Variants in MYT1 observed in about 807,000 individuals in gnomAD.
MYT1 encodes the protein myelin transcription factor I.
A neutral mutation model predicts 123.0 loss-of-function variants in MYT1; 23 were observed. The observed-to-expected ratio is 0.19, with a 90% CI of 0.13 to 0.26. The LOEUF (loss-of-function observed/expected upper bound fraction) is 0.26, where lower values mean the gene tolerates loss of function less well. MYT1 is among the 10% of genes least tolerant of loss of function. The probability of loss-of-function intolerance (pLI) is 1.00; values close to 1 mark genes in which losing one functional copy is unlikely to be tolerated. For missense variants in MYT1, 1,125 were observed against 1,472.5 expected (o/e 0.76, Z 3.86); for synonymous variants, 518 against 575.3 (o/e 0.90, Z 1.43).
intron 7 of MYT1, 132 bp from the exon 8 acceptor site, chr20:64,211,074 G>C: frequency 9.8e-7 from 1 of 1,017,354 alleles, no homozygotes; most frequent in South Asian, 1.8e-5. Context: ...CCCAGTCCCT[G>C]TTCAAGCTCA....
At chr20:64,182,992 C>T (rs991752265) in intron 1 of MYT1, among the ~76,000 whole-genome samples, 5 of 151,942 alleles carry the variant, frequency 3.3e-5, no homozygotes, top group Admixed American at 2.0e-4. Context: ...AAGTTTAGAC[C>T]GTTTTGATCA....
rs1185500991 is a variant in MYT1, at chr20:64,212,096, C to T, written c.1475C>T (p.Thr492Ile). ...CTGAAGTGCCCCACTCCTGGCTGCA[C>T]AGGCCAGGGTCACGTGAACAGCAAC... The part of the protein sequence containing the change: ...NVLKCPTPGC[T>I]GQGHVNSNRN... Residue 492 changes from threonine (T) to isoleucine (I), a missense_variant, in exon 9 of 23, where the codon ACA (threonine) becomes ATA (isoleucine). Thr to Ile is a moderately conservative substitution (Grantham distance 89). This residue lies in a region of MYT1 where 429 missense variants were observed against 604.1 expected (regional missense o/e 0.71). Coordinates refer to ENST00000328439, the MANE Select transcript of MYT1 (RefSeq NM_004535.3). The surrounding 1 kb of genome is among the most constrained non-coding windows in gnomAD (Gnocchi z 6.8). 2 of 1,613,762 alleles carry T rather than the reference C, an allele frequency of 1.2e-6. No homozygotes were observed. The highest frequency in any genetic ancestry group is 2.2e-5 in the East Asian group (1 of 44,864).
At chr20:64,214,755 G>A (rs1050276326) in intron 10 of MYT1, among the ~76,000 whole-genome samples, 3 of 152,234 alleles carry the variant, frequency 2.0e-5, no homozygotes, top group East Asian at 1.9e-4. Flanking sequence ...AGGAGACCCC[G>A]GCTGGGGTGA....
intron 14 of MYT1, 53 bp from the exon 15 acceptor site, chr20:64,223,058 G>A: frequency 6.2e-7 from 1 of 1,601,866 alleles, no homozygotes; most frequent in Non-Finnish European, 8.6e-7. Flanking sequence ...GGCTCAGCCT[G>A]GGGGGCAGGT....
At chr20:64,237,881 A>G (rs1984599099) in intron 21 of MYT1, among the ~76,000 whole-genome samples, 1 of 152,108 alleles carries the variant, frequency 6.6e-6, no homozygotes, top group African/African-American at 2.4e-5. Flanking sequence ...CAAACCTTTC[A>G]GCCTCTTCCT....
rs975511890 is a variant in MYT1 at position 64,167,878 on chromosome 20, A to T, written c.-99+3139A>T. Among the ~76,000 whole-genome samples the T allele has an allele frequency of 6.6e-6, 1 of 152,238 alleles. No homozygotes were observed. The highest frequency in any genetic ancestry group is 1.5e-5 in the Non-Finnish European group (1 of 68,042). ...AGTTTACAGGAAAATGGTCTTTGGG[A>T]ACCAGCATCATTAGATTAGTCAGAC... is the stretch of plus-strand genomic sequence containing the variant. On this transcript the variant is annotated intron_variant, in intron 1 of 22. Coordinates refer to ENST00000328439, the MANE Select transcript of MYT1 (RefSeq NM_004535.3). The surrounding 1 kb of genome is among the most constrained non-coding windows in gnomAD (Gnocchi z 6.3).
At chr20:64,234,576 C>T (rs904954285) in intron 19 of MYT1, among the ~76,000 whole-genome samples, 7 of 152,114 alleles carry the variant, frequency 4.6e-5, no homozygotes, top group African/African-American at 1.2e-4. Flanking sequence ...TCTGTTAACC[C>T]GTAATGTGTG....
Position 64,207,759 on chromosome 20 carries a change from C to T in MYT1, c.563C>T (p.Ala188Val), listed in dbSNP as rs779307195. 1 of 1,613,886 alleles carries T rather than the reference C, an allele frequency of 6.2e-7. No homozygotes were observed. Among genetic ancestry groups the T allele is most frequent in the Non-Finnish European group, 8.5e-7 (1 of 1,179,998 alleles). The part of the protein sequence containing the change: ...TLVEEDLGQA[A>V]KPGPGIVHLL... ...GTGGAAGAGGACTTGGGCCAGGCGGCCAAGCCAGGTCCTGGCATTGTGCAC... is the reference window on the plus strand; with the variant it reads ...GTGGAAGAGGACTTGGGCCAGGCGGTCAAGCCAGGTCCTGGCATTGTGCAC... Residue 188 changes from alanine to valine, a missense_variant, in exon 7 of 23, where the codon GCC becomes GTC. This residue lies in a region of MYT1 where 406 missense variants were observed against 432.2 expected (regional missense o/e 0.94). Coordinates refer to ENST00000328439, the MANE Select transcript of MYT1 (RefSeq NM_004535.3).
At position 64,208,172 on chromosome 20, in the gene MYT1, C is replaced by T. The variant is rs753331891; in HGVS notation, c.976C>T (p.Pro326Ser). 1.2e-5 allele frequency: 19 copies of T among 1,613,718 alleles called. No individual in the cohort carries two copies. In the Admixed American group the frequency reaches 1.5e-4, roughly 13 times the overall value. Residue 326 changes from proline (P) to serine (S), a missense_variant, in exon 7 of 23, where the codon CCT becomes TCT. Pro to Ser is a moderately conservative substitution (Grantham distance 74, BLOSUM62 -1). This residue lies in a region of MYT1 where 406 missense variants were observed against 432.2 expected (regional missense o/e 0.94). Transcript: ENST00000328439. This position sits in a 1 kb window ranked among gnomAD's most constrained non-coding sequence, Gnocchi z 5.4. ...CTCTCACACCTCTGCCCAGAAGGCC[C>T]CTGAGCTCCGGGGCCCAGAATCACC... ...DTSHTSAQKA[P>S]ELRGPESPSP...
rs1294300233 is a variant in MYT1 at position 64,205,016 on chromosome 20, C to A, written c.87-19C>A. ...GAGCCCATCGCCTGATGTGGCCTTG[C>A]CTTTTTATTTCCCCTCAGCTGCCCC... is the stretch of plus-strand genomic sequence containing the variant. On this transcript the variant is annotated intron_variant, in intron 4 of 22. Coordinates refer to ENST00000328439, the MANE Select transcript of MYT1 (RefSeq NM_004535.3). 1 of 1,613,864 alleles carries A rather than the reference C, an allele frequency of 6.2e-7. No individual in the cohort carries two copies.
At chr20:64,173,184 A>G (rs945968860) in intron 1 of MYT1, among the ~76,000 whole-genome samples, 2 of 152,014 alleles carry the variant, frequency 1.3e-5, no homozygotes, top group Non-Finnish European at 2.9e-5. Context: ...CCTGATTGGA[A>G]AAAGTGTCTC....
chr20:64,184,154 T>C (rs1982732582), intron 1 of MYT1, among the ~76,000 whole-genome samples: 1 of 152,172 alleles, frequency 6.6e-6, no homozygotes, highest in Non-Finnish European at 1.5e-5. Context: ...GTTTTAAACC[T>C]TGTTGAAGTC....
rs1371059477 is a variant in MYT1 at position 64,208,035 on chromosome 20, A to G, written c.839A>G (p.Glu280Gly). ...EEEEDEEEEE[E>G]EEEEEEEEEE... ...GAGGAGGATGAAGAAGAGGAAGAGGAAGAGGAGGAGGAAGAGGAAGAGGAG... is the reference window on the plus strand; with the variant it reads ...GAGGAGGATGAAGAAGAGGAAGAGGGAGAGGAGGAGGAAGAGGAAGAGGAG... Residue 280 changes from glutamate (E) to glycine (G), a missense_variant, in exon 7 of 23, where the codon GAA (glutamate) becomes GGA (glycine). Glu to Gly is a moderately conservative substitution (Grantham distance 98, BLOSUM62 -2). Around this residue, in one of 4 missense-constraint regions of MYT1, gnomAD observed 406 missense variants for 432.2 expected, o/e 0.94. Transcript: ENST00000328439. The surrounding 1 kb of genome is among the most constrained non-coding windows in gnomAD (Gnocchi z 5.4). 2.5e-6 allele frequency: 4 copies of G among 1,601,810 alleles called. No homozygotes were observed. The highest frequency in any genetic ancestry group is 3.4e-6 in the Non-Finnish European group (4 of 1,174,554).
rs1984364241 is a variant in MYT1, at chr20:64,232,837, T to TTCTCAGGAAAAGTTTGTCTCCTACA, written c.2897+452_2897+453insTCTCAGGAAAAGTTTGTCTCCTACA. On this transcript the variant is annotated intron_variant, in intron 19 of 22. Transcript: ENST00000328439. This position sits in a 1 kb window ranked among gnomAD's most constrained non-coding sequence, Gnocchi z 6.9. Reference sequence around the variant, plus strand: ...ATGCCCTGTCCGTCCCATTCATGCCTCTTCTTTGAACTCTGGGCAGAGACC... The same window carrying TTCTCAGGAAAAGTTTGTCTCCTACA: ...ATGCCCTGTCCGTCCCATTCATGCCTTCTCAGGAAAAGTTTGTCTCCTACACTTCTTTGAACTCTGGGCAGAGACC... Among the ~76,000 whole-genome samples the TTCTCAGGAAAAGTTTGTCTCCTACA allele has an allele frequency of 5.3e-5, 8 of 151,818 alleles. No individual in the cohort carries two copies. Among genetic ancestry groups the TTCTCAGGAAAAGTTTGTCTCCTACA allele is most frequent in the African/African-American group, 1.9e-4 (8 of 41,224 alleles).
At chr20:64,200,004 C>A in intron 4 of MYT1, 82 bp downstream of exon 4, 1 of 1,546,016 alleles carries the variant, frequency 6.5e-7, no homozygotes, top group Non-Finnish European at 8.9e-7. Context: ...CAAACGGGGT[C>A]TTCTTGGATT....
chr20:64,169,847 C>T (rs1982196213), intron 1 of MYT1, among the ~76,000 whole-genome samples: 1 of 152,188 alleles, frequency 6.6e-6, no homozygotes, highest in African/African-American at 2.4e-5. Context: ...TTGTTCAGTT[C>T]TCATGAACGT....
At chr20:64,165,868 C>T (rs1982064700) in intron 1 of MYT1, among the ~76,000 whole-genome samples, 1 of 151,998 alleles carries the variant, frequency 6.6e-6, no homozygotes, top group South Asian at 2.1e-4. Flanking sequence ...ACTGAGGACA[C>T]CTCTAACGCC....
intron 13 of MYT1, 29 bp downstream of exon 13, chr20:64,220,011 A>G: frequency 6.9e-7 from 1 of 1,441,974 alleles, no homozygotes; most frequent in East Asian, 2.6e-5. Flanking sequence ...GCAAGCAGTC[A>G]GGCGGCTGCA....
At chr20:64,179,847 TACAC>T (rs1049160820) in intron 1 of MYT1, among the ~76,000 whole-genome samples, 9 of 151,488 alleles carry the variant, frequency 5.9e-5, no homozygotes, top group South Asian at 2.1e-4. Context: ...CACACACAGT[TACAC>T]ACACATACTA....
Sources: gnomAD v4.1 joint callset for allele counts (sites outside exome capture counted in the v4.1 genomes callset) on GRCh38, gnomAD v4.1.1 for gene constraint, gnomAD v4.1.1 regional missense constraint, Gnocchi (gnomAD v3.1) non-coding constraint, MANE v1.5 for transcripts, NCBI Gene and HGNC (gene_info 2026-07-23, HGNC 2026-07-21) for gene names.